SNX24: variants seen among roughly 807,000 people sequenced by gnomAD.
SNX24 encodes the protein sorting nexin 24.
A neutral mutation model predicts 28.7 loss-of-function variants in SNX24; 22 were observed. That is an observed-to-expected ratio of 0.77 (90% confidence interval 0.55 to 1.10). The LOEUF is 1.10. Ranked by LOEUF, SNX24 falls within the 50% of genes least tolerant of loss-of-function variation. The pLI is 0.00. For missense variants in SNX24, 221 were observed against 201.1 expected, an observed-to-expected ratio of 1.10 and a Z score of -0.60; for synonymous variants, 69 against 71.5, an observed-to-expected ratio of 0.96 and a Z score of 0.18.
At chr5:122,974,619 A>G (rs1218054872) in intron 3 of SNX24, among the ~76,000 whole-genome samples, 1 of 152,250 alleles carries the variant, frequency 6.6e-6, no homozygotes, top group Non-Finnish European at 1.5e-5. Flanking sequence ...AGTTGGAGTT[A>G]CCACTTGGCT....
At chr5:122,896,966 A>C (rs567714066) in intron 1 of SNX24, among the ~76,000 whole-genome samples, 1 of 152,328 alleles carries the variant, frequency 6.6e-6, no homozygotes, top group African/African-American at 2.4e-5. Flanking sequence ...AAGCCTCTGA[A>C]CCTTGTGTGT....
chr5:122,949,047 A>C (rs30025), intron 3 of SNX24, among the ~76,000 whole-genome samples: 25,831 of 152,202 alleles, frequency 0.17, 2,641 homozygotes, highest in East Asian at 0.43. Flanking sequence ...GCTGTATTTA[A>C]GTAAGAGGCT....
chr5:122,850,546 T>C (rs1454892895), intron 1 of SNX24, among the ~76,000 whole-genome samples: 1 of 152,056 alleles, frequency 6.6e-6, no homozygotes, highest in Non-Finnish European at 1.5e-5. Flanking sequence ...ACTTTAGCGT[T>C]GAACATGGAA....
At chr5:122,873,152 T>G (rs1756058740) in intron 1 of SNX24, among the ~76,000 whole-genome samples, 1 of 152,052 alleles carries the variant, frequency 6.6e-6, no homozygotes. Flanking sequence ...TTTTGTATTT[T>G]TTTCTAGAGA....
At chr5:122,909,285 G>T (rs572702208) in intron 1 of SNX24, among the ~76,000 whole-genome samples, 2 of 152,266 alleles carry the variant, frequency 1.3e-5, no homozygotes, top group South Asian at 4.1e-4. Context: ...GGGACACTTA[G>T]ACATAGTACC....
intron 3 of SNX24, among the ~76,000 whole-genome samples, chr5:122,999,455 T>C (rs377421799): frequency 2.0e-5 from 3 of 149,748 alleles, no homozygotes; most frequent in Admixed American, 6.6e-5. Flanking sequence ...TGTGGGGAGA[T>C]ACACACACAC....
intron 3 of SNX24, among the ~76,000 whole-genome samples, chr5:122,965,043 G>A (rs1311504406): frequency 6.6e-6 from 1 of 152,154 alleles, no homozygotes; most frequent in African/African-American, 2.4e-5. Context: ...TTCTACAGGT[G>A]AAGTAGAAAG....
chr5:122,982,392 AT>A (rs1419065379), intron 3 of SNX24, among the ~76,000 whole-genome samples: 6 of 152,260 alleles, frequency 3.9e-5, no homozygotes, highest in Non-Finnish European at 8.8e-5. Context: ...AGAATTTAGA[AT>A]TATAATCAAC....
At chr5:122,933,308 C>A (rs755279631) in intron 1 of SNX24, among the ~76,000 whole-genome samples, 1 of 152,222 alleles carries the variant, frequency 6.6e-6, no homozygotes, top group Non-Finnish European at 1.5e-5. Flanking sequence ...CTGAGCCCTC[C>A]TCACTCCTTG....
At chr5:122,955,590 A>G (rs892369414) in intron 3 of SNX24, among the ~76,000 whole-genome samples, 3 of 152,182 alleles carry the variant, frequency 2.0e-5, no homozygotes, top group African/African-American at 7.2e-5. Flanking sequence ...TTCCCAGGTT[A>G]AGGTAGAAGA....
At chr5:122,945,726 A>AT (rs1407042089) in intron 2 of SNX24, among the ~76,000 whole-genome samples, 1 of 152,200 alleles carries the variant, frequency 6.6e-6, no homozygotes, top group Non-Finnish European at 1.5e-5. Context: ...TGTTGTATTA[A>AT]TTGATTTTTG....
rs562503082 is a variant in SNX24, at chr5:122,996,949, AGG to A, written c.250-2960_250-2959del. 3.7e-3 allele frequency among the ~76,000 whole-genome samples: 558 copies of A among 152,314 alleles called. 4 individuals carry two copies. Among genetic ancestry groups the A allele is most frequent in the African/African-American group, 0.012 (517 of 41,568 alleles). ...GATGACCCAGGGTACAGCTTCAAGA[AGG>A]GGTGGTTCCTTCAGAGCAAAAGCCT... On this transcript the variant is annotated intron_variant, in intron 3 of 6. Transcript: ENST00000261369.
chr5:122,864,807 T>C (rs1022913490), intron 1 of SNX24, among the ~76,000 whole-genome samples: 2 of 152,234 alleles, frequency 1.3e-5, no homozygotes, highest in African/African-American at 4.8e-5. Context: ...GCTGCATGAC[T>C]CCTAAACCAT....
intron 1 of SNX24, among the ~76,000 whole-genome samples, chr5:122,874,461 C>CT (rs1344239137): frequency 1.3e-5 from 2 of 152,154 alleles, no homozygotes; most frequent in African/African-American, 4.8e-5. Context: ...AGAGGGGACT[C>CT]TAAGCATGCT....
chr5:123,007,701 T>C lies in SNX24; in HGVS notation c.462T>C (p.Ile154=). 1 of 1,593,466 alleles carries C rather than the reference T, an allele frequency of 6.3e-7. No homozygotes were observed. The part of the protein sequence containing the change: ...PAASDFPNVV[I]EGVLHGIFYP... ...TTTCAGATTTTCCAAATGTGGTTAT[T>C]GAAGGAGTCCTCCATGGGATATTTT... Residue 154 remains isoleucine, a synonymous_variant, in exon 7 of 7, where the codon ATT becomes ATC. Coordinates refer to ENST00000261369, the MANE Select transcript of SNX24 (RefSeq NM_014035.4).
intron 1 of SNX24, among the ~76,000 whole-genome samples, chr5:122,876,793 T>C (rs1019160899): frequency 6.6e-5 from 10 of 152,312 alleles, no homozygotes; most frequent in African/African-American, 1.9e-4. Context: ...CTGCAAGAGA[T>C]GGTGCTTAAG....
chr5:122,916,885 C>A (rs890142703), intron 1 of SNX24, among the ~76,000 whole-genome samples: 1 of 152,148 alleles, frequency 6.6e-6, no homozygotes, highest in Non-Finnish European at 1.5e-5. Flanking sequence ...GAGCTCTAGA[C>A]TGTTCAGAAA....
At chr5:122,877,416 G>A (rs547014330) in intron 1 of SNX24, among the ~76,000 whole-genome samples, 268 of 152,308 alleles carry the variant, frequency 1.8e-3, no homozygotes, top group South Asian at 4.6e-3. Flanking sequence ...TTGAAATCAG[G>A]TATGGGACTA....
intron 3 of SNX24, among the ~76,000 whole-genome samples, chr5:122,994,186 C>T (rs980351994): frequency 1.3e-5 from 2 of 152,108 alleles, no homozygotes; most frequent in Non-Finnish European, 2.9e-5. Flanking sequence ...TGTTCCATTC[C>T]TGTTATAATT....
Sources: gnomAD v4.1 joint callset for allele counts (sites outside exome capture counted in the v4.1 genomes callset) on GRCh38, gnomAD v4.1.1 for gene constraint, MANE v1.5 for transcripts, NCBI Gene and HGNC (gene_info 2026-07-23, HGNC 2026-07-21) for gene names.